The following ROS1 variants were observed in gnomAD, a reference collection of about 807,000 sequenced individuals.
ROS1 encodes the protein proto-oncogene tyrosine-protein kinase ROS.
ROS1 carries 263 observed loss-of-function variants against 273.5 expected under a neutral mutation model. The ratio of observed to expected loss-of-function variants is 0.96; its 90% CI spans 0.87 to 1.06. ROS1 has a LOEUF of 1.06. ROS1 is among the 50% of genes least tolerant of loss of function. ROS1 has a pLI of 0.00. For missense variants in ROS1, 2,833 were observed against 2,751.1 expected (o/e 1.03, Z -0.67); for synonymous variants, 1,008 against 954.1 (o/e 1.06, Z -1.04).
At chr6:117,316,637 G>A (rs1775939578) in intron 39 of ROS1, among the ~76,000 whole-genome samples, 1 of 152,038 alleles carries the variant, frequency 6.6e-6, no homozygotes, top group South Asian at 2.1e-4. Flanking sequence ...TGGATGTAGG[G>A]AAAGAGAAAG....
At chr6:117,378,388 C>A (rs1242760352) in intron 18 of ROS1, among the ~76,000 whole-genome samples, 1 of 152,000 alleles carries the variant, frequency 6.6e-6, no homozygotes, top group Non-Finnish European at 1.5e-5. Context: ...AGATTGTATG[C>A]CAAGTAAAAG....
intron 2 of ROS1, 55 bp downstream of exon 2, chr6:117,418,407 C>T: frequency 1.6e-6 from 2 of 1,243,618 alleles, no homozygotes; most frequent in Admixed American, 2.0e-5. Flanking sequence ...ATCATTGTCC[C>T]TTCATTATCA....
intron 27 of ROS1, among the ~76,000 whole-genome samples, chr6:117,351,124 A>G (rs1037913177): frequency 7.2e-5 from 11 of 152,256 alleles, no homozygotes; most frequent in Middle Eastern, 3.4e-3. Flanking sequence ...TGCGGTGGTA[A>G]GGTGTAGGGG....
At position 117,317,388 on chromosome 6, in the gene ROS1, A is replaced by C. The variant is rs1737631507; in HGVS notation, c.5988-116T>G. ...TAGTTTCCTTCAAAACCCCTGACTT[A>C]GTGTCTCTAACACTTCGTTTTCCAA... On this transcript the variant is annotated intron_variant, in intron 38 of 43. Transcript: ENST00000368507. 16 of 1,209,616 alleles carry C rather than the reference A, an allele frequency of 1.3e-5. No individual in the cohort carries two copies. The South Asian group carries it at 2.5e-4, about 19-fold the overall frequency. The allele number at this position is 1,209,616 out of a possible 1,614,324, so 74.9% of individuals were successfully genotyped here.
intron 42 of ROS1, among the ~76,000 whole-genome samples, chr6:117,302,735 C>A (rs960368558): frequency 6.6e-6 from 1 of 152,174 alleles, no homozygotes; most frequent in South Asian, 2.1e-4. Context: ...ATAAGCTAGA[C>A]CTTTCTGTCT....
At chr6:117,363,873 C>A (rs1267100019) in intron 21 of ROS1, among the ~76,000 whole-genome samples, 1 of 152,118 alleles carries the variant, frequency 6.6e-6, no homozygotes, top group African/African-American at 2.4e-5. Context: ...AGCATCTCTT[C>A]TTATTCCTTG....
At chr6:117,388,038 C>T (rs765725685) in intron 13 of ROS1, 46 bp from the exon 14 acceptor site, 2 of 1,610,954 alleles carry the variant, frequency 1.2e-6, no homozygotes, top group Non-Finnish European at 1.7e-6. Context: ...ATGACATCTG[C>T]AAGGGCAAAC....
At chr6:117,301,368 T>G in intron 42 of ROS1, 1 of 369,730 alleles carries the variant, frequency 2.7e-6, no homozygotes. Flanking sequence ...TTTTAACAGT[T>G]ATTATTCCAA....
intron 25 of ROS1, among the ~76,000 whole-genome samples, chr6:117,357,177 A>G (rs1313389273): frequency 1.3e-5 from 2 of 152,218 alleles, no homozygotes; most frequent in Non-Finnish European, 2.9e-5. Flanking sequence ...TGCTATATTA[A>G]AAGGCCCACT....
intron 7 of ROS1, among the ~76,000 whole-genome samples, chr6:117,399,906 T>C (rs918164368): frequency 1.8e-4 from 27 of 152,358 alleles, no homozygotes; most frequent in Admixed American, 5.2e-4. Context: ...GTTGCCAAAA[T>C]TCTCTTTTTG....
intron 9 of ROS1, 30 bp from the exon 10 acceptor site, chr6:117,394,768 G>A (rs776252451): frequency 6.3e-7 from 1 of 1,588,732 alleles, no homozygotes; most frequent in South Asian, 1.2e-5. Context: ...TTGCAGACAG[G>A]TAGACCAACC....
rs1321755162 is a variant in ROS1 at position 117,311,114 on chromosome 6, A to G, written c.6121T>C (p.Tyr2041His). The stretch of plus-strand genomic sequence containing the variant: ...TCAACCAAGGTGAGTAAAGGACCAT[A>G]AAACTGTAAGAAATGAAAGAAAAAT... ...YLRKARMATF[Y>H]GPLLTLVDLV... The change falls in exon 40 of 44, where the codon TAT becomes CAT. Residue 2041 changes from tyrosine (Y) to histidine (H), a missense_variant. Tyr to His is a moderately conservative substitution (Grantham distance 83). Transcript: ENST00000368507. 6.3e-7 allele frequency: 1 copy of G among 1,593,296 alleles called. No homozygotes were observed. Among genetic ancestry groups the G allele is most frequent in the Admixed American group, 1.8e-5 (1 of 56,904 alleles).
chr6:117,347,381 C>T (rs146415341), intron 27 of ROS1, among the ~76,000 whole-genome samples: 58 of 152,082 alleles, frequency 3.8e-4, no homozygotes, highest in African/African-American at 1.3e-3. Flanking sequence ...TGCTGGTATA[C>T]AGGAAAGTGA....
intron 1 of ROS1, among the ~76,000 whole-genome samples, chr6:117,424,247 G>A (rs1775974271): frequency 6.6e-6 from 1 of 151,868 alleles, no homozygotes; most frequent in Non-Finnish European, 1.5e-5. Flanking sequence ...GGGTCTAGGG[G>A]AAAACTCACA....
At chr6:117,414,719 T>C (rs940103932) in intron 3 of ROS1, among the ~76,000 whole-genome samples, 174 bp from the exon 4 acceptor site, 8 of 152,146 alleles carry the variant, frequency 5.3e-5, no homozygotes, top group African/African-American at 1.7e-4. Context: ...GGCAGGACAC[T>C]GTATAAGCAG....
At chr6:117,309,533 G>C (rs12664183) in intron 41 of ROS1, among the ~76,000 whole-genome samples, 1 of 151,938 alleles carries the variant, frequency 6.6e-6, no homozygotes, top group Non-Finnish European at 1.5e-5. Context: ...TATCTCATTC[G>C]TAATTTTGCC....
intron 26 of ROS1, among the ~76,000 whole-genome samples, chr6:117,355,132 T>C (rs992936470): frequency 3.3e-5 from 5 of 152,188 alleles, no homozygotes; most frequent in Admixed American, 2.6e-4. Context: ...TTGCTAAAAC[T>C]GAACTCAGCA....
chr6:117,292,374 T>A (rs2128524921), intron 43 of ROS1, among the ~76,000 whole-genome samples: 1 of 152,324 alleles, frequency 6.6e-6, no homozygotes, highest in South Asian at 2.1e-4. Context: ...TGTGCAACCC[T>A]CTGGATTGCT....
At position 117,416,437 on chromosome 6, in the gene ROS1, C is replaced by G. The variant is rs558127712; in HGVS notation, c.169-120G>C. 2.7e-5 allele frequency: 19 copies of G among 696,050 alleles called. No individual in the cohort carries two copies. In the East Asian group the frequency reaches 4.3e-4, roughly 16 times the overall value. 43.1% of individuals were successfully genotyped at this position (696,050 alleles called of 1,614,324 possible). On this transcript the variant is annotated intron_variant, in intron 2 of 43. Coordinates refer to ENST00000368507, the MANE Select transcript of ROS1 (RefSeq NM_001378902.1). Reference sequence around the variant, plus strand: ...TCTGTGTTTTAGAAATAGAAACCTACCAAGAAACCTGAGGCCTCCAAAAGA... The same window carrying G: ...TCTGTGTTTTAGAAATAGAAACCTAGCAAGAAACCTGAGGCCTCCAAAAGA...
Sources: allele counts gnomAD v4.1 joint callset (sites outside exome capture counted in the v4.1 genomes callset), GRCh38; gene constraint gnomAD v4.1.1; transcripts MANE v1.5; gene names NCBI Gene and HGNC (gene_info 2026-07-23, HGNC 2026-07-21).